ZNF142: variants seen among roughly 807,000 people sequenced by gnomAD.
ZNF142 encodes the protein zinc finger protein 142 (clone pHZ-49).
Under a neutral mutation model 132.1 loss-of-function variants are expected in ZNF142, and 96 were observed. The observed-to-expected ratio is 0.73, with a 90% CI of 0.62 to 0.86. The LOEUF is 0.86. ZNF142 is among the 40% of genes least tolerant of loss of function. ZNF142 has a pLI of 0.00. For missense variants in ZNF142, 2,163 were observed against 2,336.2 expected (o/e 0.93, Z 1.53); for synonymous variants, 842 against 890.1 (o/e 0.95, Z 0.96).
At position 218,636,458 on chromosome 2, in the gene ZNF142, C is replaced by T. The variant is rs768506382; in HGVS notation, c.*1881G>A. 1.9e-6 allele frequency: 3 copies of T among 1,614,040 alleles called. No homozygotes were observed. Among genetic ancestry groups the T allele is most frequent in the South Asian group, 2.2e-5 (2 of 91,086 alleles). Reference sequence around the variant, plus strand: ...TGGCTGCCTTCCTAATGCTGTCCTCCTGCCCCTTCCAGGTTACCGCCACAT... The same window carrying T: ...TGGCTGCCTTCCTAATGCTGTCCTCTTGCCCCTTCCAGGTTACCGCCACAT... On this transcript the variant is annotated 3_prime_UTR_variant, in exon 11 of 11. Transcript: ENST00000411696.
rs773901987 is a variant in ZNF142 at position 218,648,723 on chromosome 2, A to G, written c.1785T>C (p.His595=). ...GACACTGGTGGATCTTTTCATGAGC[A>G]TGCATCTTGCCTACATGATCCTGGT... The part of the protein sequence containing the change: ...VAYQDHVGKM[H]AHEKIHQCPE... Residue 595 remains histidine (H), a synonymous_variant, in exon 7 of 11, where the codon CAT becomes CAC. Transcript: ENST00000411696. 4.3e-6 allele frequency: 7 copies of G among 1,614,242 alleles called. No individual in the cohort carries two copies. In the Admixed American group the frequency reaches 1.0e-4, roughly 23 times the overall value.
At position 218,638,605 on chromosome 2, in the gene ZNF142, G is replaced by A. The variant is rs373369883; in HGVS notation, c.5398C>T (p.Arg1800Cys). The A allele has an allele frequency of 4.8e-4, 775 of 1,613,972 alleles. 8 individuals are homozygous for A. The South Asian group carries it at 7.5e-3, about 16-fold the overall frequency. Reference protein sequence around the residue: ...AKPYVCNVCHRAFRWAAGLRH... With the variant: ...AKPYVCNVCHCAFRWAAGLRH... The stretch of plus-strand genomic sequence containing the variant: ...AGGCCAGCAGCCCAGCGGAAAGCAC[G>A]GTGGCACACATTGCACACATAGGGT... Residue 1800 changes from arginine to cysteine, a missense_variant, in exon 11 of 11, where the codon CGT becomes TGT. Physicochemically the swap from Arg to Cys is radical, Grantham distance 180. Around this residue, in one of 7 missense-constraint regions of ZNF142, gnomAD observed 325 missense variants for 367.8 expected, o/e 0.88. Coordinates refer to ENST00000411696, the MANE Select transcript of ZNF142 (RefSeq NM_001379659.1).
chr2:218,640,367 C>T (rs538565988), intron 10 of ZNF142, among the ~76,000 whole-genome samples: 1 of 152,326 alleles, frequency 6.6e-6, no homozygotes, highest in South Asian at 2.1e-4. Context: ...TGCCCTTAGT[C>T]ATACAAGTTT....
chr2:218,656,879 G>A (rs1382070651), intron 3 of ZNF142, among the ~76,000 whole-genome samples: 3 of 149,178 alleles, frequency 2.0e-5, no homozygotes, highest in African/African-American at 7.5e-5. Context: ...GTGCAGTGGC[G>A]TGATCTTGGC....
chr2:218,642,893 GAA>G lies in ZNF142; in HGVS notation c.4221_4222del (p.Ser1408AspfsTer44), dbSNP rs761477140. 74 of 1,614,048 alleles carry G rather than the reference GAA, an allele frequency of 4.6e-5. No individual in the cohort carries two copies. The highest frequency in any genetic ancestry group is 6.1e-5 in the Non-Finnish European group (72 of 1,180,024). ...CTCTAACCGGTACCGTCTGGTGGTC[GAA>G]AAGTCACAGAAGGGGCACTGATGGG... is the stretch of plus-strand genomic sequence containing the variant. On this transcript the variant is annotated frameshift_variant, in exon 9 of 11. Transcript: ENST00000411696. LOFTEE classifies it high-confidence loss of function. The surrounding 1 kb of genome is among the most constrained non-coding windows in gnomAD (Gnocchi z 4.6).
chr2:218,644,853 G>T lies in ZNF142; in HGVS notation c.2263C>A (p.His755Asn). 6.2e-7 allele frequency: 1 copy of T among 1,614,234 alleles called. No homozygotes were observed. Among genetic ancestry groups the T allele is most frequent in the Non-Finnish European group, 8.5e-7 (1 of 1,180,032 alleles). The change falls in exon 9 of 11, where the codon CAC becomes AAC. Residue 755 changes from histidine (H) to asparagine (N), a missense_variant. Transcript: ENST00000411696. The surrounding 1 kb of genome is among the most constrained non-coding windows in gnomAD (Gnocchi z 4.6). ...TCATGGCTCAGCACAGCCTGCTTGT[G>T]GCGGCTCTGGTAACTGCAGTAGTGG... The part of the protein sequence containing the change: ...PCHYCSYQSR[H>N]KQAVLSHENC...
At chr2:218,640,061 C>CAAAAAAAAAAAAAAAA (rs35136548) in intron 10 of ZNF142, among the ~76,000 whole-genome samples, 1 of 44,316 alleles carries the variant, frequency 2.3e-5, no homozygotes, top group African/African-American at 1.0e-4. Flanking sequence ...GACTCTGTCT[C>CAAAAAAAAAAAAAAAA]AAAAAAAAAA....
In ZNF142 at chr2:218,651,848, G is replaced by A. The variant is rs1295907063; in HGVS notation, c.733C>T (p.Gln245Ter). 3.9e-6 allele frequency: 5 copies of A among 1,289,788 alleles called. No individual in the cohort carries two copies. The highest frequency in any genetic ancestry group is 4.0e-6 in the Non-Finnish European group (4 of 988,900). 79.9% of individuals were successfully genotyped at this position (1,289,788 alleles called of 1,614,324 possible). Residue 245 changes from glutamine to a stop codon, truncating the protein, a stop_gained, in exon 5 of 11, where the codon CAG becomes TAG. Coordinates refer to ENST00000411696, the MANE Select transcript of ZNF142 (RefSeq NM_001379659.1). LOFTEE classifies it high-confidence loss of function. Reference protein sequence around the residue: ...GSQQGMELHRQAHYPFHCSHC... With the variant: ...GSQQGMELHR ...CTGCAGTGGAAAGGGTAATGCGCCT[G>A]CCGGTGCAGCTCCATGCCCTGCTGG...
Position 218,636,784 on chromosome 2 carries a change from A to G in ZNF142, c.*1555T>C, listed in dbSNP as rs979720611. The G allele has an allele frequency of 3.7e-5, 24 of 643,400 alleles. No homozygotes were observed. The East Asian group carries it at 5.5e-4, about 15-fold the overall frequency. The allele number at this position is 643,400 out of a possible 1,614,324, so 39.9% of individuals were successfully genotyped here. The stretch of plus-strand genomic sequence containing the variant: ...TCTTTTCTTCCCTTCCTTTGTTTTC[A>G]TAAGCCTTTGGTATCTTTCCTGCCC... On this transcript the variant is annotated 3_prime_UTR_variant, in exon 11 of 11. Coordinates refer to ENST00000411696, the MANE Select transcript of ZNF142 (RefSeq NM_001379659.1).
rs1411062473 is a variant in ZNF142, at chr2:218,635,798, G to T, written c.*2541C>A. On this transcript the variant is annotated 3_prime_UTR_variant, in exon 11 of 11. Transcript: ENST00000411696. The stretch of plus-strand genomic sequence containing the variant: ...AGATTCCAGAGCCCTGACTACAGGT[G>T]ATCAGCGGTCAGCAACTCCCCAAAG... 6.2e-7 allele frequency: 1 copy of T among 1,611,772 alleles called. No individual in the cohort carries two copies. The highest frequency in any genetic ancestry group is 8.5e-7 in the Non-Finnish European group (1 of 1,179,042).
At position 218,638,193 on chromosome 2, in the gene ZNF142, T is replaced by C. The variant is rs928473737; in HGVS notation, c.*146A>G. 6 of 642,414 alleles carry C rather than the reference T, an allele frequency of 9.3e-6. No homozygotes were observed. Among genetic ancestry groups the C allele is most frequent in the African/African-American group, 1.9e-5 (1 of 53,654 alleles). 39.8% of individuals were successfully genotyped at this position (642,414 alleles called of 1,614,324 possible). ...TATGGGTGATAATTTCAAAGTACTA[T>C]AGCCAGAGTCCCAGGAAGGTTCTAG... is the stretch of plus-strand genomic sequence containing the variant. On this transcript the variant is annotated 3_prime_UTR_variant, in exon 11 of 11. Transcript: ENST00000411696.
At chr2:218,647,399 A>G (rs552185135) in intron 7 of ZNF142, among the ~76,000 whole-genome samples, 25 of 97,790 alleles carry the variant, frequency 2.6e-4, no homozygotes, top group African/African-American at 8.5e-4. Context: ...CTCCAGCCTG[A>G]GCAACAGAGC....
At position 218,636,118 on chromosome 2, in the gene ZNF142, C is replaced by G; in HGVS notation, c.*2221G>C. On this transcript the variant is annotated 3_prime_UTR_variant, in exon 11 of 11. Coordinates refer to ENST00000411696, the MANE Select transcript of ZNF142 (RefSeq NM_001379659.1). ...GACCTGGGCAAATTACTTGCTTACT[C>G]TGAGCCTTTTTCCTTACCTGTAAAA... 1 of 1,388,684 alleles carries G rather than the reference C, an allele frequency of 7.2e-7. No individual in the cohort carries two copies. The highest frequency in any genetic ancestry group is 2.3e-5 in the East Asian group (1 of 43,622). The allele number at this position is 1,388,684 out of a possible 1,614,324, so 86.0% of individuals were successfully genotyped here.
chr2:218,654,022 A>T (rs565759528), intron 4 of ZNF142, among the ~76,000 whole-genome samples: 3 of 152,048 alleles, frequency 2.0e-5, no homozygotes, highest in African/African-American at 7.2e-5. Flanking sequence ...CTAATTTTAA[A>T]TTTTTTTGTA....
In ZNF142 at chr2:218,643,448, T is replaced by C; in HGVS notation, c.3668A>G (p.Gln1223Arg). 1.2e-5 allele frequency: 20 copies of C among 1,614,224 alleles called. No homozygotes were observed. Among genetic ancestry groups the C allele is most frequent in the Non-Finnish European group, 1.7e-5 (20 of 1,180,040 alleles). The change falls in exon 9 of 11, where the codon CAG becomes CGG. Residue 1223 changes from glutamine (Q) to arginine (R), a missense_variant. Transcript: ENST00000411696. ...TEALKKHRFE[Q>R]GKFHCNSCPF... Reference sequence around the variant, plus strand: ...GCAGGAGTTGCAGTGAAACTTGCCCTGCTCAAAGCGGTGCTTCTTCAGGGC... The same window carrying C: ...GCAGGAGTTGCAGTGAAACTTGCCCCGCTCAAAGCGGTGCTTCTTCAGGGC...
Position 218,659,111 on chromosome 2 carries a change from G to A in ZNF142, c.-342C>T, listed in dbSNP as rs1429414394. 6.6e-6 allele frequency: 1 copy of A among 152,348 alleles called. No individual in the cohort carries two copies. The highest frequency in any genetic ancestry group is 1.5e-5 in the Non-Finnish European group (1 of 68,134). The allele number at this position is 152,348 out of a possible 1,614,324, so 9.4% of individuals were successfully genotyped here. ...TCATAAGAGCCAGCGAACTGGAAAG[G>A]CGGTTTGTAACCTGGAAGGCTTGGG... On this transcript the variant is annotated 5_prime_UTR_variant, in exon 2 of 11. Transcript: ENST00000411696. The surrounding 1 kb of genome is among the most constrained non-coding windows in gnomAD (Gnocchi z 4.4).
In ZNF142 at chr2:218,638,761, C is replaced by G; in HGVS notation, c.5242G>C (p.Ala1748Pro). The G allele has an allele frequency of 6.2e-7, 1 of 1,609,924 alleles. No homozygotes were observed. The change falls in exon 11 of 11, where the codon GCT becomes CCT. Residue 1748 changes from alanine (A) to proline (P), a missense_variant. Physicochemically the swap from Ala to Pro is conservative, Grantham distance 27. Transcript: ENST00000411696. Reference sequence around the variant, plus strand: ...TCCTGGTGCACACGCAGTGCATCAGCCCGGTTGGTGCAGTACTCACACTCG... The same window carrying G: ...TCCTGGTGCACACGCAGTGCATCAGGCCGGTTGGTGCAGTACTCACACTCG... ...CPECEYCTNR[A>P]DALRVHQETR...
Position 218,642,125 on chromosome 2 carries a change from C to T in ZNF142, c.4991G>A (p.Arg1664Gln), listed in dbSNP as rs139371850. 16 of 1,614,172 alleles carry T rather than the reference C, an allele frequency of 9.9e-6. No individual in the cohort carries two copies. The highest frequency in any genetic ancestry group is 2.2e-5 in the East Asian group (1 of 44,878). Residue 1664 changes from arginine to glutamine, a missense_variant, in exon 9 of 11, where the codon CGA (arginine) becomes CAA (glutamine). Around this residue, in one of 7 missense-constraint regions of ZNF142, gnomAD observed 325 missense variants for 367.8 expected, o/e 0.88. Coordinates refer to ENST00000411696, the MANE Select transcript of ZNF142 (RefSeq NM_001379659.1). The surrounding 1 kb of genome is among the most constrained non-coding windows in gnomAD (Gnocchi z 4.6). ...CTDCAYSTKN[R>Q]QKITWHSRIH... ...GCGGCTGTGCCAGGTGATCTTCTGT[C>T]GGTTCTTGGTGCTGTAAGCACAATC...
Position 218,649,125 on chromosome 2 carries a change from T to C in ZNF142, c.1383A>G (p.Glu461=), listed in dbSNP as rs1481219254. The change falls in exon 7 of 11, where the codon GAA becomes GAG. Residue 461 remains glutamate, a synonymous_variant. Transcript: ENST00000411696. The stretch of plus-strand genomic sequence containing the variant: ...CCTTTAGGGCCTGGCTGAGGCGGAA[T>C]TCCTCACGGCAGACAGGACAGGCAT... ...DTYACPVCRE[E]FRLSQALKEH... The C allele has an allele frequency of 3.1e-6, 5 of 1,614,140 alleles. No homozygotes were observed. Among genetic ancestry groups the C allele is most frequent in the Non-Finnish European group, 4.2e-6 (5 of 1,180,040 alleles).
Sources: gnomAD v4.1 joint callset for allele counts (sites outside exome capture counted in the v4.1 genomes callset) on GRCh38, gnomAD v4.1.1 for gene constraint, gnomAD v4.1.1 regional missense constraint, Gnocchi (gnomAD v3.1) non-coding constraint, MANE v1.5 for transcripts, NCBI Gene and HGNC (gene_info 2026-07-23, HGNC 2026-07-21) for gene names.